Variants in SBK1 observed in about 807,000 individuals in gnomAD.
The protein encoded by SBK1 is SH3 domain binding kinase 1, also known as serine/threonine-protein kinase SBK1.
SBK1 carries 11 observed loss-of-function variants against 24.4 expected under a neutral mutation model. The ratio of observed to expected loss-of-function variants is 0.45; its 90% confidence interval spans 0.28 to 0.75. SBK1 has a LOEUF of 0.75. Among genes scored for constraint, SBK1 ranks in the 30% least tolerant of loss-of-function variants. The probability of loss-of-function intolerance (pLI) is 0.12; values close to 1 mark genes in which losing one functional copy is unlikely to be tolerated. For synonymous variants in SBK1, 308 were observed against 284.4 expected, an observed-to-expected ratio of 1.08 and a Z score of -0.83; for missense variants, 467 against 620.5, an observed-to-expected ratio of 0.75 and a Z score of 2.63.
chr16:28,317,663 G>T lies in SBK1; in HGVS notation c.226+46G>T. On this transcript the variant is annotated intron_variant, in intron 2 of 3. Coordinates refer to ENST00000341901, the MANE Select transcript of SBK1 (RefSeq NM_001024401.3). This position sits in a 1 kb window ranked among gnomAD's most constrained non-coding sequence, Gnocchi z 4.2. ...AGGGCTGAGAGGTTGGGGTGGGGCA[G>T]GGCTGGGAGGTCAGGGTTGGGGGAC... is the stretch of plus-strand genomic sequence containing the variant. The T allele has an allele frequency of 7.5e-7, 1 of 1,324,730 alleles. No individual in the cohort carries two copies. Among genetic ancestry groups the T allele is most frequent in the East Asian group, 2.3e-5 (1 of 43,138 alleles). The allele number at this position is 1,324,730 out of a possible 1,614,324, so 82.1% of individuals were successfully genotyped here.
intron 1 of SBK1, chr16:28,285,766 A>C (rs1179463787): frequency 6.6e-5 from 10 of 152,240 alleles, no homozygotes; most frequent in African/African-American, 2.4e-4. Flanking sequence ...CTCCTGTCTC[A>C]GCCTCCCAAA....
At chr16:28,279,207 C>CAA (rs34028427) in intron 1 of SBK1, among the ~76,000 whole-genome samples, 197 of 115,218 alleles carry the variant, frequency 1.7e-3, no homozygotes, top group Middle Eastern at 4.4e-3. Context: ...GAGACTCTGT[C>CAA]AAAAAAAAAA....
chr16:28,274,824 A>T (rs2044486636), intron 1 of SBK1, among the ~76,000 whole-genome samples: 1 of 152,120 alleles, frequency 6.6e-6, no homozygotes, highest in Non-Finnish European at 1.5e-5. Context: ...GTTATAATGC[A>T]ACTGTAATGT....
upstream of SBK1, among the ~76,000 whole-genome samples, chr16:28,288,273 C>G (rs1310974502): frequency 6.6e-6 from 1 of 152,148 alleles, no homozygotes; most frequent in Non-Finnish European, 1.5e-5. Flanking sequence ...GGGATCAGCT[C>G]GTGGGAAGCA....
At chr16:28,262,499 G>A (rs2044403851) in intron 1 of SBK1, among the ~76,000 whole-genome samples, 1 of 152,214 alleles carries the variant, frequency 6.6e-6, no homozygotes, top group Non-Finnish European at 1.5e-5. Context: ...CATTTTCCCT[G>A]AGGCTCCCTG....
intron 1 of SBK1, among the ~76,000 whole-genome samples, chr16:28,284,061 GGGGTTCA>G (rs1161709075): frequency 3.3e-5 from 5 of 152,178 alleles, no homozygotes; most frequent in Non-Finnish European, 5.9e-5. Context: ...GCTCCTCAGT[GGGGTTCA>G]CCTCCCATTG....
At chr16:28,276,654 A>G (rs1438948940) in intron 1 of SBK1, among the ~76,000 whole-genome samples, 1 of 147,228 alleles carries the variant, frequency 6.8e-6, no homozygotes, top group Non-Finnish European at 1.5e-5. Context: ...TATTTTATTT[A>G]TTTATTTATG....
chr16:28,261,498 C>G (rs941065223), intron 1 of SBK1, among the ~76,000 whole-genome samples: 3 of 151,014 alleles, frequency 2.0e-5, no homozygotes, highest in African/African-American at 7.3e-5. Context: ...GGCATGGTGG[C>G]ATGCACCTGT....
upstream of SBK1, chr16:28,292,436 G>A (rs1357562626): frequency 8.4e-6 from 6 of 712,610 alleles, no homozygotes; most frequent in South Asian, 1.2e-4. Context: ...CGAGCGGGAC[G>A]GACAAAGGGG....
intron 1 of SBK1, among the ~76,000 whole-genome samples, chr16:28,306,129 C>T (rs76638891): frequency 6.6e-6 from 1 of 152,186 alleles, no homozygotes; most frequent in East Asian, 1.9e-4. Context: ...AGGTGACCCA[C>T]CGAGATCTAG....
intron 1 of SBK1, among the ~76,000 whole-genome samples, chr16:28,267,330 GATTACAGGCGTGAGCCACT>G (rs1157246009): frequency 6.6e-6 from 1 of 152,212 alleles, no homozygotes; most frequent in Non-Finnish European, 1.5e-5. Context: ...AAAGTGTTGG[GATTACAGGCGTGAGCCACT>G]ATTCGTGGCG....
chr16:28,313,243 C>T (rs2044766527), intron 1 of SBK1, among the ~76,000 whole-genome samples: 1 of 151,814 alleles, frequency 6.6e-6, no homozygotes, highest in Admixed American at 6.6e-5. Flanking sequence ...TTCAGTGAGC[C>T]ATGGGGGCAC....
intron 1 of SBK1, among the ~76,000 whole-genome samples, chr16:28,299,963 G>A (rs537632150): frequency 7.0e-4 from 107 of 152,280 alleles, no homozygotes; most frequent in African/African-American, 2.3e-3. Context: ...AGGAGAGCCC[G>A]CCCACCACAA....
chr16:28,320,064 G>C lies in SBK1; in HGVS notation c.430-12G>C, dbSNP rs779249287. 3.4e-6 allele frequency: 5 copies of C among 1,472,240 alleles called. No individual in the cohort carries two copies. The highest frequency in any genetic ancestry group is 4.5e-6 in the Non-Finnish European group (5 of 1,118,402). 91.2% of individuals were successfully genotyped at this position (1,472,240 alleles called of 1,614,324 possible). The stretch of plus-strand genomic sequence containing the variant: ...AGCTGGAAACAGCGCGGCTTCCCCC[G>C]GCCGCCCGCAGGTGGGGCTCCCTGA... On this transcript the variant is annotated splice_polypyrimidine_tract_variant and intron_variant, in intron 3 of 3. Transcript: ENST00000341901. This position sits in a 1 kb window ranked among gnomAD's most constrained non-coding sequence, Gnocchi z 8.5.
In SBK1 at chr16:28,292,679, G is replaced by A; in HGVS notation, c.-629G>A. The A allele has an allele frequency of 7.1e-6, 7 of 984,328 alleles. No homozygotes were observed. The highest frequency in any genetic ancestry group is 8.4e-6 in the Non-Finnish European group (7 of 829,402). The allele number at this position is 984,328 out of a possible 1,614,324, so 61.0% of individuals were successfully genotyped here. A position where few individuals can be genotyped will look rare whatever the true frequency, so the allele number is the denominator to read the frequency against. Reference sequence around the variant, plus strand: ...GTAGCGGCGGCGACCGAGCCCCCCAGCGGCTGAGGGGCTTCCAGCGCCCGC... The same window carrying A: ...GTAGCGGCGGCGACCGAGCCCCCCAACGGCTGAGGGGCTTCCAGCGCCCGC... On this transcript the variant is annotated 5_prime_UTR_variant, in exon 1 of 4. Transcript: ENST00000341901.
rs1354040449 is a variant in SBK1, at chr16:28,321,239, G to T, written c.*318G>T. ...CACACACACACACACACACACACACGCCAGGAGCAAGGGAGCTTTCGGGCC... is the reference window on the plus strand; with the variant it reads ...CACACACACACACACACACACACACTCCAGGAGCAAGGGAGCTTTCGGGCC... On this transcript the variant is annotated 3_prime_UTR_variant, in exon 4 of 4. Coordinates refer to ENST00000341901, the MANE Select transcript of SBK1 (RefSeq NM_001024401.3). 1 of 145,146 alleles carries T rather than the reference G, an allele frequency of 6.9e-6. No individual in the cohort carries two copies. The allele number at this position is 145,146 out of a possible 1,614,324, so 9.0% of individuals were successfully genotyped here.
At position 28,320,763 on chromosome 16, in the gene SBK1, G is replaced by GTGCCCT. The variant is rs1344054188; in HGVS notation, c.1123_1128dup (p.Leu375_Pro376dup). ...GCCCGCGCCCCCCGCCGTCGGGTCG[G>GTGCCCT]TGCCCTTGCCCGTGCCGGTGCCGGT... On this transcript the variant is annotated inframe_insertion, in exon 4 of 4. Transcript: ENST00000341901. The surrounding 1 kb of genome is among the most constrained non-coding windows in gnomAD (Gnocchi z 8.5). 7 of 1,373,604 alleles carry GTGCCCT rather than the reference G, an allele frequency of 5.1e-6. No homozygotes were observed. The highest frequency in any genetic ancestry group is 2.7e-5 in the Admixed American group (1 of 36,934). The allele number at this position is 1,373,604 out of a possible 1,614,324, so 85.1% of individuals were successfully genotyped here. A position where few individuals can be genotyped will look rare whatever the true frequency, so the allele number is the denominator to read the frequency against.
At chr16:28,281,322 GC>G (rs2044532170) in intron 1 of SBK1, among the ~76,000 whole-genome samples, 1 of 152,142 alleles carries the variant, frequency 6.6e-6, no homozygotes, top group Non-Finnish European at 1.5e-5. Flanking sequence ...CCTCCTCCGG[GC>G]CAGCTCAGCC....
intron 1 of SBK1, among the ~76,000 whole-genome samples, chr16:28,310,746 T>C (rs1487738926): frequency 6.6e-6 from 1 of 152,200 alleles, no homozygotes; most frequent in Non-Finnish European, 1.5e-5. Flanking sequence ...GCATTAGTCC[T>C]GAGAACGGCC....
Sources: allele counts gnomAD v4.1 joint callset (sites outside exome capture counted in the v4.1 genomes callset), GRCh38; gene constraint gnomAD v4.1.1; non-coding constraint Gnocchi (gnomAD v3.1); transcripts MANE v1.5; gene names NCBI Gene and HGNC (gene_info 2026-07-23, HGNC 2026-07-21).